SDHB: variants seen among roughly 807,000 people sequenced by gnomAD.
The protein encoded by SDHB is succinate dehydrogenase [ubiquinone] iron-sulfur subunit, mitochondrial.
Under a neutral mutation model 39.7 loss-of-function variants are expected in SDHB, and 21 were observed. The ratio of observed to expected loss-of-function variants is 0.53; its 90% CI spans 0.37 to 0.76. SDHB has a LOEUF of 0.76. Ranked by LOEUF, SDHB falls within the 30% of genes least tolerant of loss-of-function variation. SDHB has a pLI of 0.00. For synonymous variants in SDHB, 118 were observed against 117.0 expected (o/e 1.01, Z -0.06); for missense variants, 343 against 350.9 (o/e 0.98, Z 0.18).
In SDHB at chr1:17,033,162, T is replaced by C. The variant is rs2101529168; in HGVS notation, c.201-17A>G. 1.3e-6 allele frequency: 2 copies of C among 1,572,976 alleles called. No individual in the cohort carries two copies. Among genetic ancestry groups the C allele is most frequent in the Non-Finnish European group, 8.8e-7 (1 of 1,142,838 alleles). On this transcript the variant is annotated splice_polypyrimidine_tract_variant and intron_variant, in intron 2 of 7. Transcript: ENST00000375499. ...GGGCCACATCTAACAAAGAAAAATA[T>C]CCAGTGGTATTTATGTAACGTTCAA...
intron 2 of SDHB, among the ~76,000 whole-genome samples, chr1:17,034,137 T>C (rs1358344163): frequency 2.0e-5 from 3 of 147,684 alleles, no homozygotes; most frequent in Middle Eastern, 7.0e-3. Context: ...TTTAGTACTA[T>C]CTGTATTTCA....
Position 17,031,797 on chromosome 1 carries a change from T to C in SDHB, c.286+1263A>G, listed in dbSNP as rs1040127305. The stretch of plus-strand genomic sequence containing the variant: ...ACAGAATCAAGCTACTCTCTGCTTT[T>C]GTTTTATCCCAGGTGTTCCAAGCCA... On this transcript the variant is annotated intron_variant, in intron 3 of 7. Coordinates refer to ENST00000375499, the MANE Select transcript of SDHB (RefSeq NM_003000.3). Among the ~76,000 whole-genome samples, 5 of 152,290 alleles carry C rather than the reference T, an allele frequency of 3.3e-5. 1 individual carries two copies. Among genetic ancestry groups the C allele is most frequent in the Admixed American group, 3.3e-4 (5 of 15,298 alleles).
At chr1:17,048,202 G>A (rs543975824) in intron 1 of SDHB, among the ~76,000 whole-genome samples, 3 of 152,016 alleles carry the variant, frequency 2.0e-5, no homozygotes, top group African/African-American at 4.8e-5. Flanking sequence ...TCTCAAATTC[G>A]GTCATTTCAA....
intron 2 of SDHB, among the ~76,000 whole-genome samples, chr1:17,039,368 T>C (rs1192886184): frequency 1.4e-5 from 2 of 143,316 alleles, no homozygotes; most frequent in African/African-American, 2.6e-5. Flanking sequence ...GAGGACTGCT[T>C]GAGCCCAGGA....
At chr1:17,025,236 A>G (rs2077985327) in intron 5 of SDHB, among the ~76,000 whole-genome samples, 1 of 152,216 alleles carries the variant, frequency 6.6e-6, no homozygotes, top group South Asian at 2.1e-4. Flanking sequence ...ATGCTTATGA[A>G]CAATTTTAAG....
At chr1:17,034,696 A>G (rs968068312) in intron 2 of SDHB, among the ~76,000 whole-genome samples, 2 of 152,048 alleles carry the variant, frequency 1.3e-5, no homozygotes, top group African/African-American at 4.8e-5. Flanking sequence ...CTGTATTTGT[A>G]TCAGCACTAT....
chr1:17,023,360 A>G (rs949022255), intron 6 of SDHB, among the ~76,000 whole-genome samples: 1 of 152,240 alleles, frequency 6.6e-6, no homozygotes, highest in African/African-American at 2.4e-5. Context: ...CTGGGAATCA[A>G]TATTGCTCAT....
chr1:17,030,636 T>C (rs1432323559), intron 3 of SDHB, among the ~76,000 whole-genome samples: 1 of 152,082 alleles, frequency 6.6e-6, no homozygotes, highest in East Asian at 1.9e-4. Context: ...TTTTTGAAGA[T>C]CATTAGGTCA....
intron 2 of SDHB, among the ~76,000 whole-genome samples, chr1:17,041,983 G>C (rs1164018274): frequency 6.6e-6 from 1 of 151,720 alleles, no homozygotes; most frequent in Non-Finnish European, 1.5e-5. Flanking sequence ...GTGCAGTGGT[G>C]TGATCTTGGC....
In SDHB at chr1:17,052,983, C is replaced by A. The variant is rs564354263; in HGVS notation, c.72+965G>T. The stretch of plus-strand genomic sequence containing the variant: ...AAGCCAAAAATTTTCTTTCTGGGGG[C>A]CTCAAGTTTTCAAAGCTCCAAAAAG... On this transcript the variant is annotated intron_variant, in intron 1 of 7. Coordinates refer to ENST00000375499, the MANE Select transcript of SDHB (RefSeq NM_003000.3). Among the ~76,000 whole-genome samples, 6 of 152,166 alleles carry A rather than the reference C, an allele frequency of 3.9e-5. No individual in the cohort carries two copies. In the East Asian group the frequency reaches 9.7e-4, roughly 24 times the overall value.
chr1:17,037,807 G>T (rs1046081408), intron 2 of SDHB, among the ~76,000 whole-genome samples: 1 of 151,972 alleles, frequency 6.6e-6, no homozygotes. Flanking sequence ...TCATTTTGTT[G>T]CCCAGGCTGG....
chr1:17,018,768 T>G lies in SDHB; in HGVS notation c.*113A>C, dbSNP rs1215032260. On this transcript the variant is annotated 3_prime_UTR_variant, in exon 8 of 8. Transcript: ENST00000375499. Reference sequence around the variant, plus strand: ...AGAATAACATTTATTTCTTAAAATTTTTATTATACATGCTGTATTCATGGA... The same window carrying G: ...AGAATAACATTTATTTCTTAAAATTGTTATTATACATGCTGTATTCATGGA... The G allele has an allele frequency of 4.0e-6, 3 of 745,532 alleles. No homozygotes were observed. Among genetic ancestry groups the G allele is most frequent in the East Asian group, 5.0e-5 (2 of 40,352 alleles). The allele number at this position is 745,532 out of a possible 1,614,324, so 46.2% of individuals were successfully genotyped here.
chr1:17,025,531 TC>T (rs370890449), intron 5 of SDHB, among the ~76,000 whole-genome samples: 3 of 151,880 alleles, frequency 2.0e-5, no homozygotes, highest in African/African-American at 7.3e-5. Flanking sequence ...CATCTCAGCC[TC>T]CTGAGTAGCT....
At chr1:17,037,454 A>G (rs1211521570) in intron 2 of SDHB, among the ~76,000 whole-genome samples, 1 of 135,414 alleles carries the variant, frequency 7.4e-6, no homozygotes, top group Non-Finnish European at 1.6e-5. Context: ...GGAGTGTGCC[A>G]CCACACCTGG....
chr1:17,044,726 C>T lies in SDHB; in HGVS notation c.200+35G>A, dbSNP rs61769190. On this transcript the variant is annotated intron_variant, in intron 2 of 7. Coordinates refer to ENST00000375499, the MANE Select transcript of SDHB (RefSeq NM_003000.3). ...ATGTCCCTAAATCAAATCAAGAACT[C>T]TCCTTCAATAGCTGGCTTTCACAGA... The T allele has an allele frequency of 0.034, 54,449 of 1,610,396 alleles. 1,136 individuals are homozygous for T. Among genetic ancestry groups the T allele is most frequent in the Middle Eastern group, 0.065 (391 of 6,048 alleles).
At chr1:17,024,964 T>A (rs2077983567) in intron 5 of SDHB, among the ~76,000 whole-genome samples, 1 of 152,204 alleles carries the variant, frequency 6.6e-6, no homozygotes, top group African/African-American at 2.4e-5. Context: ...GGTGGGAGTG[T>A]CAACTGGCCC....
intron 2 of SDHB, among the ~76,000 whole-genome samples, chr1:17,041,971 G>A (rs2078082543): frequency 6.6e-6 from 1 of 151,990 alleles, no homozygotes; most frequent in African/African-American, 2.4e-5. Flanking sequence ...GCCCAGGCTG[G>A]AGTGCAGTGG....
intron 1 of SDHB, among the ~76,000 whole-genome samples, chr1:17,050,577 G>T (rs913745607): frequency 6.6e-6 from 1 of 151,846 alleles, no homozygotes; most frequent in Admixed American, 6.6e-5. Context: ...CTTGAAATCC[G>T]GGAGGCGGAG....
chr1:17,022,830 A>G, intron 6 of SDHB, 100 bp from the exon 7 acceptor site: 1 of 1,460,502 alleles, frequency 6.8e-7, no homozygotes, highest in South Asian at 1.2e-5. Context: ...AAGGGAATTC[A>G]CTCAGCTTAG....
Sources: gnomAD v4.1 joint callset for allele counts (sites outside exome capture counted in the v4.1 genomes callset) on GRCh38, gnomAD v4.1.1 for gene constraint, MANE v1.5 for transcripts, NCBI Gene and HGNC (gene_info 2026-07-23, HGNC 2026-07-21) for gene names.